Variants in KANSL3 observed in about 807,000 individuals in gnomAD.
KANSL3 encodes the protein KAT8 regulatory NSL complex subunit 3, also known as NSL complex protein NSL3.
A neutral mutation model predicts 89.2 loss-of-function variants in KANSL3; 16 were observed. The ratio of observed to expected loss-of-function variants is 0.18; its 90% CI spans 0.12 to 0.27. KANSL3 has a LOEUF of 0.27. Ranked by LOEUF, KANSL3 falls within the 10% of genes least tolerant of loss-of-function variation. KANSL3 has a pLI of 1.00. For missense variants in KANSL3, 879 were observed against 1,110.6 expected (o/e 0.79, Z 2.96); for synonymous variants, 385 against 419.7 (o/e 0.92, Z 1.01).
At chr2:96,612,657 C>T in intron 7 of KANSL3, 94 bp from the exon 8 acceptor site, 1 of 1,215,150 alleles carries the variant, frequency 8.2e-7, no homozygotes, top group Non-Finnish European at 1.2e-6. Flanking sequence ...CTTGGAATTC[C>T]ACATGAAAGA....
intron 20 of KANSL3, among the ~76,000 whole-genome samples, chr2:96,596,351 GT>G (rs1444785185): frequency 6.6e-6 from 1 of 152,240 alleles, no homozygotes; most frequent in African/African-American, 2.4e-5. Flanking sequence ...GAGCCCAGAA[GT>G]TTAAGACCAG....
At chr2:96,609,180 A>T in intron 12 of KANSL3, 116 bp from the exon 13 acceptor site, 2 of 944,944 alleles carry the variant, frequency 2.1e-6, no homozygotes, top group Non-Finnish European at 3.2e-6. Context: ...CGCATGTGCC[A>T]GTCCTTCCCC....
In KANSL3 at chr2:96,631,509, G is replaced by T. The variant is rs375434286; in HGVS notation, c.216-27C>A. The T allele has an allele frequency of 5.0e-5, 78 of 1,553,340 alleles. 1 individual carries two copies. The South Asian group carries it at 8.4e-4, about 17-fold the overall frequency. On this transcript the variant is annotated intron_variant, in intron 2 of 20. Transcript: ENST00000431828. ...TGTAAACAGGTGAGGAAATAGGACC[G>T]GGCCACACATACTTCACAGGTATTT... is the stretch of plus-strand genomic sequence containing the variant.
intron 11 of KANSL3, among the ~76,000 whole-genome samples, chr2:96,610,070 G>A (rs151250858): frequency 1.1e-4 from 16 of 150,842 alleles, no homozygotes; most frequent in African/African-American, 3.2e-4. Context: ...GTGTGATCCT[G>A]GGCTGGATGC....
chr2:96,582,637 A>G, the KANSL3 span, among the ~76,000 whole-genome samples: 4 of 152,112 alleles, frequency 2.6e-5, no homozygotes, highest in Non-Finnish European at 5.9e-5. Flanking sequence ...GCTAATTCCA[A>G]TGTCTGCATC....
At chr2:96,591,617 C>T (rs1245838934), downstream of KANSL3, among the ~76,000 whole-genome samples, 1 of 152,202 alleles carries the variant, frequency 6.6e-6, no homozygotes, top group Non-Finnish European at 1.5e-5. Context: ...TCTACTTCTC[C>T]TTAGAAAAGT....
chr2:96,604,660 A>T, intron 16 of KANSL3, 119 bp downstream of exon 16: 1 of 939,936 alleles, frequency 1.1e-6, no homozygotes, highest in Non-Finnish European at 1.6e-6. Context: ...ATCAGAAGTA[A>T]GTCACATTTC....
At chr2:96,600,356 T>G (rs1168184931) in intron 20 of KANSL3, 3 of 752,858 alleles carry the variant, frequency 4.0e-6, no homozygotes, top group African/African-American at 3.8e-5. Flanking sequence ...ATTTCTATAA[T>G]GTTTGAATTA....
chr2:96,597,347 G>A (rs1410148860), intron 20 of KANSL3, among the ~76,000 whole-genome samples: 3 of 152,082 alleles, frequency 2.0e-5, no homozygotes, highest in Non-Finnish European at 4.4e-5. Flanking sequence ...AACAGTCACT[G>A]AATTAAGTCA....
Position 96,637,143 on chromosome 2 carries a change from G to T in KANSL3, c.-8C>A. ...CCCACCCCGGTGGGCCATGTCAGTG[G>T]AGGGGCAGAAAGTCAGAGCATGGGT... On this transcript the variant is annotated 5_prime_UTR_variant, in exon 2 of 21. Coordinates refer to ENST00000431828, the MANE Select transcript of KANSL3 (RefSeq NM_001115016.3). 4 of 1,545,748 alleles carry T rather than the reference G, an allele frequency of 2.6e-6. No homozygotes were observed. Among genetic ancestry groups the T allele is most frequent in the Non-Finnish European group, 3.5e-6 (4 of 1,142,126 alleles).
intron 2 of KANSL3, among the ~76,000 whole-genome samples, chr2:96,633,903 C>T (rs973402973): frequency 1.3e-5 from 2 of 152,136 alleles, no homozygotes; most frequent in South Asian, 2.1e-4. Context: ...TCCGTAGTGA[C>T]GTTAGCCACA....
intron 14 of KANSL3, 25 bp downstream of exon 14, chr2:96,608,483 G>A (rs1034411935): frequency 1.4e-5 from 23 of 1,612,808 alleles, no homozygotes; most frequent in Non-Finnish European, 2.0e-5. Context: ...AGACCCAAGA[G>A]GAGCCACTGG....
In KANSL3 at chr2:96,636,982, T is replaced by G. The variant is rs971672383; in HGVS notation, c.154A>C (p.Ser52Arg). 8 of 1,551,052 alleles carry G rather than the reference T, an allele frequency of 5.2e-6. No individual in the cohort carries two copies. In the African/African-American group the frequency reaches 1.1e-4, roughly 21 times the overall value. Residue 52 changes from serine to arginine, a missense_variant, in exon 2 of 21, where the codon AGT (serine) becomes CGT (arginine). By Grantham distance (110) the Ser-to-Arg change is moderately radical. This residue lies in a region of KANSL3 where 210 missense variants were observed against 311.9 expected (regional missense o/e 0.67). Coordinates refer to ENST00000431828, the MANE Select transcript of KANSL3 (RefSeq NM_001115016.3). ...AGCATGCGGGTGGGGCGGGCACTAC[T>G]GGCATCTGGGTGGGCACTCCAAGGC... The part of the protein sequence containing the change: ...AKPWSAHPDA[S>R]SARPTRMLFV...
chr2:96,614,616 C>G (rs1032376267), intron 5 of KANSL3, among the ~76,000 whole-genome samples: 8 of 151,642 alleles, frequency 5.3e-5, no homozygotes, highest in African/African-American at 1.9e-4. Flanking sequence ...ACTAAAAATA[C>G]AAAAATTAGC....
At chr2:96,614,624 A>C (rs965296387) in intron 5 of KANSL3, among the ~76,000 whole-genome samples, 6 of 152,046 alleles carry the variant, frequency 3.9e-5, no homozygotes, top group African/African-American at 1.4e-4. Context: ...TACAAAAATT[A>C]GCCAGGTGTG....
chr2:96,613,236 T>G (rs757547665), intron 6 of KANSL3, among the ~76,000 whole-genome samples: 8 of 152,130 alleles, frequency 5.3e-5, no homozygotes, highest in Non-Finnish European at 1.0e-4. Context: ...CTGGGCATGG[T>G]GGTGCATGCC....
chr2:96,612,381 A>G, intron 8 of KANSL3, 28 bp from the exon 9 acceptor site: 1 of 1,609,060 alleles, frequency 6.2e-7, no homozygotes, highest in African/African-American at 1.3e-5. Flanking sequence ...GAAGACAGTA[A>G]GACAGGAGGC....
intron 20 of KANSL3, chr2:96,598,271 C>T (rs1036052915): frequency 1.2e-5 from 3 of 242,458 alleles, no homozygotes; most frequent in African/African-American, 7.0e-5. Context: ...AAGCACTTCC[C>T]ATCTCATTCT....
At chr2:96,597,245 C>T (rs2066626371) in intron 20 of KANSL3, among the ~76,000 whole-genome samples, 1 of 152,174 alleles carries the variant, frequency 6.6e-6, no homozygotes, top group African/African-American at 2.4e-5. Context: ...TTTCCAATTG[C>T]CTCATAAATG....
Sources: allele counts gnomAD v4.1 joint callset (sites outside exome capture counted in the v4.1 genomes callset), GRCh38; gene constraint gnomAD v4.1.1; regional missense constraint gnomAD v4.1.1; transcripts MANE v1.5; gene names NCBI Gene and HGNC (gene_info 2026-07-23, HGNC 2026-07-21).